The following CAMK2D variants were observed in gnomAD, a reference collection of about 807,000 sequenced individuals.
CAMK2D encodes the protein calcium/calmodulin dependent protein kinase II delta.
In CAMK2D, 37 loss-of-function variants were observed where a neutral mutation model predicts 84.0. The observed-to-expected ratio is 0.44, with a 90% CI of 0.34 to 0.58. The LOEUF is 0.58. Ranked by LOEUF, CAMK2D falls within the 20% of genes least tolerant of loss-of-function variation. CAMK2D has a pLI of 0.02. For missense variants in CAMK2D, 448 were observed against 652.5 expected, an observed-to-expected ratio of 0.69 and a Z score of 3.41; for synonymous variants, 202 against 212.5, an observed-to-expected ratio of 0.95 and a Z score of 0.43.
At position 113,451,411 on chromosome 4, in the gene CAMK2D, A is replaced by C. The variant is rs987597803; in HGVS notation, c.*3134T>G. 2.6e-5 allele frequency: 4 copies of C among 152,198 alleles called. No individual in the cohort carries two copies. Among genetic ancestry groups the C allele is most frequent in the African/African-American group, 9.7e-5 (4 of 41,448 alleles). 9.4% of individuals were successfully genotyped at this position (152,198 alleles called of 1,614,324 possible). On this transcript the variant is annotated 3_prime_UTR_variant, in exon 21 of 21. Coordinates refer to ENST00000511664, the MANE Select transcript of CAMK2D (RefSeq NM_001321571.2). ...CAGAATAGTTATACTGCTACCATTT[A>C]ATTTCTATCAAATATCATTCTAGTC...
At chr4:113,639,255 T>C (rs537284122) in intron 3 of CAMK2D, among the ~76,000 whole-genome samples, 3 of 150,678 alleles carry the variant, frequency 2.0e-5, no homozygotes, top group African/African-American at 4.9e-5. Flanking sequence ...AGGACAAAAA[T>C]AAAAAGAAGG....
chr4:113,754,202 T>G (rs2149098913), intron 2 of CAMK2D: 1 of 960,870 alleles, frequency 1.0e-6, no homozygotes, highest in East Asian at 1.1e-4. Context: ...ACAGCCTCTA[T>G]ATAATCATTA....
intron 2 of CAMK2D, among the ~76,000 whole-genome samples, chr4:113,755,853 A>C (rs2099627348): frequency 6.6e-6 from 1 of 152,004 alleles, no homozygotes; most frequent in Non-Finnish European, 1.5e-5. Flanking sequence ...TCTCATGAAA[A>C]TATAAGGCAA....
intron 16 of CAMK2D, among the ~76,000 whole-genome samples, chr4:113,475,332 TAACTAACAAACA>T (rs2097594737): frequency 4.7e-5 from 1 of 21,490 alleles, no homozygotes; most frequent in Non-Finnish European, 7.5e-5. Context: ...TGGTTTTGAA[TAACTAACAAACA>T]AACAAACAAA....
intron 16 of CAMK2D, among the ~76,000 whole-genome samples, chr4:113,482,173 G>A (rs1217899918): frequency 2.0e-5 from 3 of 152,184 alleles, no homozygotes; most frequent in African/African-American, 4.8e-5. Context: ...ACTGTAAGCA[G>A]AAGCAGGTCA....
intron 2 of CAMK2D, among the ~76,000 whole-genome samples, chr4:113,693,362 T>A (rs1169651287): frequency 6.6e-6 from 1 of 152,186 alleles, no homozygotes; most frequent in Non-Finnish European, 1.5e-5. Flanking sequence ...CTAACAGATT[T>A]TTTTTTTAGA....
intron 10 of CAMK2D, among the ~76,000 whole-genome samples, chr4:113,514,455 T>C (rs908213110): frequency 2.0e-5 from 3 of 152,092 alleles, no homozygotes; most frequent in African/African-American, 7.2e-5. Context: ...GAAATGAATA[T>C]TAATAATTTC....
chr4:113,657,547 T>C (rs1045892708), intron 3 of CAMK2D, among the ~76,000 whole-genome samples: 8 of 152,112 alleles, frequency 5.3e-5, no homozygotes, highest in Admixed American at 3.9e-4. Context: ...AAGGCAAAAA[T>C]GAATAAATCA....
At chr4:113,497,433 G>GT (rs2097952827) in intron 16 of CAMK2D, among the ~76,000 whole-genome samples, 1 of 152,226 alleles carries the variant, frequency 6.6e-6, no homozygotes, top group African/African-American at 2.4e-5. Flanking sequence ...TAGAAGAGCT[G>GT]AAGGAAAATG....
At chr4:113,685,840 G>C (rs890403635) in intron 2 of CAMK2D, among the ~76,000 whole-genome samples, 1 of 151,950 alleles carries the variant, frequency 6.6e-6, no homozygotes, top group Non-Finnish European at 1.5e-5. Flanking sequence ...GAGGTAGGTG[G>C]ATCACTTGAG....
At chr4:113,556,695 C>T (rs749964411) in intron 4 of CAMK2D, among the ~76,000 whole-genome samples, 1 of 152,072 alleles carries the variant, frequency 6.6e-6, no homozygotes, top group Non-Finnish European at 1.5e-5. Flanking sequence ...CCAGGGGCTC[C>T]CCAAAGACCC....
chr4:113,562,022 A>G (rs1396314563), intron 4 of CAMK2D, among the ~76,000 whole-genome samples: 1 of 152,250 alleles, frequency 6.6e-6, no homozygotes, highest in Non-Finnish European at 1.5e-5. Context: ...AGTAAGCATT[A>G]AAGAAAAGCC....
chr4:113,520,439 A>G (rs1398590936), intron 8 of CAMK2D, among the ~76,000 whole-genome samples: 1 of 151,952 alleles, frequency 6.6e-6, no homozygotes, highest in African/African-American at 2.4e-5. Flanking sequence ...ATAAAATAAA[A>G]TAAAAGTGTT....
At chr4:113,468,961 G>A (rs897985918) in intron 16 of CAMK2D, among the ~76,000 whole-genome samples, 7 of 152,198 alleles carry the variant, frequency 4.6e-5, no homozygotes, top group Admixed American at 4.6e-4. Context: ...ACTTTCTGGC[G>A]ATTTCTAGAT....
chr4:113,708,548 A>G (rs1301943925), intron 2 of CAMK2D, among the ~76,000 whole-genome samples: 1 of 152,122 alleles, frequency 6.6e-6, no homozygotes, highest in Non-Finnish European at 1.5e-5. Flanking sequence ...TTATTCTCAC[A>G]TGCAAATCAC....
intron 3 of CAMK2D, among the ~76,000 whole-genome samples, chr4:113,654,990 A>G (rs529393637): frequency 1.3e-5 from 2 of 152,018 alleles, no homozygotes; most frequent in Non-Finnish European, 2.9e-5. Context: ...GAAATGAATT[A>G]ATTAGTTACT....
chr4:113,698,593 T>C (rs1489621001), intron 2 of CAMK2D, among the ~76,000 whole-genome samples: 2 of 152,108 alleles, frequency 1.3e-5, no homozygotes, highest in Non-Finnish European at 2.9e-5. Context: ...ATTTTACAAA[T>C]ATATTTACTG....
Position 113,455,761 on chromosome 4 carries a change from G to A in CAMK2D, c.1596C>T (p.Asn532=), listed in dbSNP as rs148075816. The A allele has an allele frequency of 4.6e-5, 74 of 1,611,852 alleles. No individual in the cohort carries two copies. The highest frequency in any genetic ancestry group is 5.8e-5 in the Non-Finnish European group (68 of 1,178,350). ...NFSGGTSLWQ[N]I ...TGTGAATGGTTTTCAGGCCTTAGAT[G>A]TTTTGCCACAAAGAGGTGCCTCCTG... Residue 532 remains asparagine, a synonymous_variant, in exon 20 of 21, where the codon AAC becomes AAT. Coordinates refer to ENST00000511664, the MANE Select transcript of CAMK2D (RefSeq NM_001321571.2).
chr4:113,551,542 A>G (rs1307324597), intron 5 of CAMK2D, among the ~76,000 whole-genome samples: 1 of 152,178 alleles, frequency 6.6e-6, no homozygotes, highest in Non-Finnish European at 1.5e-5. Context: ...AAAATGTTCT[A>G]TATCTGGTCT....
Sources: gnomAD v4.1 joint callset for allele counts (sites outside exome capture counted in the v4.1 genomes callset) on GRCh38, gnomAD v4.1.1 for gene constraint, MANE v1.5 for transcripts, NCBI Gene and HGNC (gene_info 2026-07-23, HGNC 2026-07-21) for gene names.